The following RFX7 variants were observed in gnomAD, a reference collection of about 807,000 sequenced individuals.
RFX7 encodes the protein DNA-binding protein RFX7.
RFX7 carries 26 observed loss-of-function variants against 111.8 expected under a neutral mutation model. The observed-to-expected ratio is 0.23, with a 90% CI of 0.17 to 0.32. RFX7 has a LOEUF of 0.32. Ranked by LOEUF, RFX7 falls within the 10% of genes least tolerant of loss-of-function variation. RFX7 has a pLI of 1.00. For missense variants in RFX7, 1,573 were observed against 1,772.9 expected (o/e 0.89, Z 2.02); for synonymous variants, 624 against 624.4 (o/e 1.00, Z 0.01).
At chr15:56,097,746 CAAAAAAAAAAA>C (rs67718449) in intron 9 of RFX7, among the ~76,000 whole-genome samples, 36 of 47,330 alleles carry the variant, frequency 7.6e-4, no homozygotes, top group Non-Finnish European at 9.6e-4. Flanking sequence ...GACTCTGTCT[CAAAAAAAAAAA>C]AAAAAAAAAA....
At chr15:56,188,648 G>A (rs2043066560) in intron 2 of RFX7, among the ~76,000 whole-genome samples, 1 of 152,152 alleles carries the variant, frequency 6.6e-6, no homozygotes, top group Non-Finnish European at 1.5e-5. Flanking sequence ...AGCAATTCGA[G>A]GGACAAAAGA....
At chr15:56,240,172 T>G (rs2043672775) in intron 2 of RFX7, among the ~76,000 whole-genome samples, 1 of 151,614 alleles carries the variant, frequency 6.6e-6, no homozygotes, top group South Asian at 2.1e-4. Context: ...ACAAATAACC[T>G]TACAGCATAT....
chr15:56,178,186 C>CAT (rs1341801146), intron 3 of RFX7, among the ~76,000 whole-genome samples: 45 of 121,760 alleles, frequency 3.7e-4, no homozygotes, highest in Admixed American at 1.4e-3. Context: ...CACACACACA[C>CAT]ACACACACAC....
rs1193264146 is a variant in RFX7 at position 56,160,464 on chromosome 15, G to A, written c.196-15981C>T. On this transcript the variant is annotated intron_variant, in intron 3 of 9. Coordinates refer to ENST00000559447, the MANE Select transcript of RFX7 (RefSeq NM_022841.7). ...TCAGTTGAGTTACCATATATGGAGG[G>A]AACATAAATACACTAATAATTATGC... 2.6e-5 allele frequency among the ~76,000 whole-genome samples: 4 copies of A among 151,712 alleles called. No homozygotes were observed. In the East Asian group the frequency reaches 7.7e-4, roughly 29 times the overall value.
At chr15:56,197,463 T>G (rs2043155573) in intron 2 of RFX7, among the ~76,000 whole-genome samples, 2 of 152,216 alleles carry the variant, frequency 1.3e-5, no homozygotes, top group Non-Finnish European at 2.9e-5. Context: ...TCTAAACTTT[T>G]GCTTTTCACA....
upstream of RFX7, among the ~76,000 whole-genome samples, chr15:56,244,884 C>T (rs1325795360): frequency 6.6e-6 from 1 of 151,420 alleles, no homozygotes; most frequent in African/African-American, 2.4e-5. Flanking sequence ...CCTTTAAGAG[C>T]AGAAGAATTG....
intron 2 of RFX7, among the ~76,000 whole-genome samples, chr15:56,180,969 A>G (rs904844117): frequency 2.0e-5 from 3 of 152,126 alleles, no homozygotes; most frequent in East Asian, 3.8e-4. Flanking sequence ...AAGGTGTTAC[A>G]ATAACCTTTT....
At position 56,203,667 on chromosome 15, in the gene RFX7, C is replaced by T. The variant is rs547964407; in HGVS notation, c.162-24364G>A. ...GAAGCCGGCCAAAACCCACCAAAACCAAAATGGCCACGAGAGTGACCTCTG... is the reference window on the plus strand; with the variant it reads ...GAAGCCGGCCAAAACCCACCAAAACTAAAATGGCCACGAGAGTGACCTCTG... On this transcript the variant is annotated intron_variant, in intron 2 of 9. Transcript: ENST00000559447. Among the ~76,000 whole-genome samples, 10 of 152,268 alleles carry T rather than the reference C, an allele frequency of 6.6e-5. No individual in the cohort carries two copies. The South Asian group carries it at 1.9e-3, about 28-fold the overall frequency.
upstream of RFX7, chr15:56,243,956 G>A (rs1206815331): frequency 6.7e-6 from 1 of 149,998 alleles, no homozygotes; most frequent in Non-Finnish European, 1.5e-5. Flanking sequence ...CGGGCCGCGG[G>A]CGCGACGGGC....
intron 3 of RFX7, among the ~76,000 whole-genome samples, chr15:56,177,537 G>A (rs1888231849): frequency 6.6e-6 from 1 of 151,954 alleles, no homozygotes; most frequent in South Asian, 2.1e-4. Context: ...CTAAAACTTA[G>A]ACTAAAATGT....
At chr15:56,194,506 T>C (rs2141169246) in intron 2 of RFX7, among the ~76,000 whole-genome samples, 1 of 152,292 alleles carries the variant, frequency 6.6e-6, no homozygotes, top group East Asian at 1.9e-4. Flanking sequence ...TTTTGTAGGT[T>C]GTGACTTGGC....
chr15:56,087,782 T>A lies in RFX7; in HGVS notation c.*5563A>T, dbSNP rs1265761265. On this transcript the variant is annotated 3_prime_UTR_variant, in exon 10 of 10. Coordinates refer to ENST00000559447, the MANE Select transcript of RFX7 (RefSeq NM_022841.7). Reference sequence around the variant, plus strand: ...TTGCAAAATTTCAAAATGGCAGGTGTCTTCTCTAGCACCTTGTACAGAGAC... The same window carrying A: ...TTGCAAAATTTCAAAATGGCAGGTGACTTCTCTAGCACCTTGTACAGAGAC... The A allele has an allele frequency of 5.8e-6, 2 of 343,904 alleles. No individual in the cohort carries two copies. The highest frequency in any genetic ancestry group is 1.1e-5 in the Non-Finnish European group (2 of 174,008). 21.3% of individuals were successfully genotyped at this position (343,904 alleles called of 1,614,324 possible).
At chr15:56,176,585 A>G (rs1446293960) in intron 3 of RFX7, among the ~76,000 whole-genome samples, 2 of 152,168 alleles carry the variant, frequency 1.3e-5, no homozygotes, top group Non-Finnish European at 2.9e-5. Context: ...CAGCAAAACC[A>G]TCTTTTAAAG....
At chr15:56,130,127 A>C (rs1051154055) in intron 5 of RFX7, among the ~76,000 whole-genome samples, 2 of 152,212 alleles carry the variant, frequency 1.3e-5, no homozygotes, top group Non-Finnish European at 2.9e-5. Flanking sequence ...ATCTCACATC[A>C]TTTTTGTGAG....
At chr15:56,174,849 G>A (rs2042886359) in intron 3 of RFX7, among the ~76,000 whole-genome samples, 1 of 151,848 alleles carries the variant, frequency 6.6e-6, no homozygotes, top group South Asian at 2.1e-4. Context: ...GAGCGTCCAT[G>A]AACAAGCTAA....
rs142924055 is a variant in RFX7 at position 56,205,719 on chromosome 15, T to C, written c.162-26416A>G. ...CTATTAGCAGAGGGACAGAAACATA[T>C]ATTAGTGAAGCATGACTAAGAACCT... On this transcript the variant is annotated intron_variant, in intron 2 of 9. Transcript: ENST00000559447. 4.1e-3 allele frequency among the ~76,000 whole-genome samples: 619 copies of C among 152,246 alleles called. 3 individuals carry two copies. Among genetic ancestry groups the C allele is most frequent in the Non-Finnish European group, 7.2e-3 (491 of 67,992 alleles).
At chr15:56,116,712 T>C (rs2140954329) in intron 5 of RFX7, among the ~76,000 whole-genome samples, 1 of 152,124 alleles carries the variant, frequency 6.6e-6, no homozygotes, top group Non-Finnish European at 1.5e-5. Context: ...AAAACTACAA[T>C]GGAAAAAAGG....
Position 56,203,181 on chromosome 15 carries a change from T to C in RFX7, c.162-23878A>G, listed in dbSNP as rs1371006245. The stretch of plus-strand genomic sequence containing the variant: ...TAAGTTGTCAAGTATAAAAGGTATC[T>C]GAAAACGTGAGAAGCCAACCATATG... On this transcript the variant is annotated intron_variant, in intron 2 of 9. Transcript: ENST00000559447. 2.0e-5 allele frequency among the ~76,000 whole-genome samples: 3 copies of C among 152,178 alleles called. No homozygotes were observed. The East Asian group carries it at 5.8e-4, about 29-fold the overall frequency.
chr15:56,209,382 G>C (rs554536545), intron 2 of RFX7, among the ~76,000 whole-genome samples: 7 of 151,914 alleles, frequency 4.6e-5, no homozygotes, highest in Non-Finnish European at 8.8e-5. Flanking sequence ...CAAAAATCGA[G>C]GGAATTTGTT....
Sources: allele counts gnomAD v4.1 joint callset (sites outside exome capture counted in the v4.1 genomes callset), GRCh38; gene constraint gnomAD v4.1.1; transcripts MANE v1.5; gene names NCBI Gene and HGNC (gene_info 2026-07-23, HGNC 2026-07-21).